The following AFG1L variants were observed in gnomAD, a reference collection of about 807,000 sequenced individuals.
AFG1L encodes the protein AFG1 like ATPase.
Under a neutral mutation model 62.2 loss-of-function variants are expected in AFG1L, and 53 were observed. The observed-to-expected ratio is 0.85, with a 90% confidence interval of 0.68 to 1.07. AFG1L has a LOEUF of 1.07. Among genes scored for constraint, AFG1L ranks in the 50% least tolerant of loss-of-function variants. AFG1L has a pLI of 0.00. For synonymous variants in AFG1L, 228 were observed against 210.3 expected (o/e 1.08, Z -0.73); for missense variants, 555 against 590.5 (o/e 0.94, Z 0.62).
chr6:108,492,338 A>G (rs538753267), intron 10 of AFG1L, among the ~76,000 whole-genome samples: 29 of 152,184 alleles, frequency 1.9e-4, no homozygotes, highest in Non-Finnish European at 4.0e-4. Context: ...ACTGCCCTCT[A>G]CTGAGGGTAC....
intron 10 of AFG1L, among the ~76,000 whole-genome samples, chr6:108,502,617 G>C (rs1283960689): frequency 6.6e-6 from 1 of 152,122 alleles, no homozygotes; most frequent in African/African-American, 2.4e-5. Context: ...TGGGATTATA[G>C]GCATGAACCA....
chr6:108,417,324 GC>G (rs1199957958), intron 7 of AFG1L, among the ~76,000 whole-genome samples: 17 of 151,586 alleles, frequency 1.1e-4, no homozygotes, highest in African/African-American at 4.1e-4. Flanking sequence ...AAGAAAAGGG[GC>G]CCTGACCCAC....
In AFG1L at chr6:108,346,985, C is replaced by A; in HGVS notation, c.364-3C>A. On this transcript the variant is annotated splice_polypyrimidine_tract_variant and splice_region_variant and intron_variant, in intron 2 of 12. Coordinates refer to ENST00000368977, the MANE Select transcript of AFG1L (RefSeq NM_145315.5). ...AGATTTATAATTTGTTCTTAATTTGCAGCTTTTTTCAAGGAGCAAACCTCC... is the reference window on the plus strand; with the variant it reads ...AGATTTATAATTTGTTCTTAATTTGAAGCTTTTTTCAAGGAGCAAACCTCC... The A allele has an allele frequency of 6.2e-7, 1 of 1,607,480 alleles. No individual in the cohort carries two copies. The highest frequency in any genetic ancestry group is 8.5e-7 in the Non-Finnish European group (1 of 1,174,646).
intron 1 of AFG1L, among the ~76,000 whole-genome samples, chr6:108,297,790 G>A (rs1320043926): frequency 6.6e-6 from 1 of 151,146 alleles, no homozygotes; most frequent in Non-Finnish European, 1.5e-5. Context: ...AGGAAGTCGA[G>A]GCTGCAGTGA....
At chr6:108,314,587 C>G in intron 1 of AFG1L, among the ~76,000 whole-genome samples, 1 of 151,814 alleles carries the variant, frequency 6.6e-6, no homozygotes, top group East Asian at 2.0e-4. Flanking sequence ...TTAGTAGAAA[C>G]GGGGTTTCAC....
chr6:108,372,561 C>A (rs1428478660), intron 6 of AFG1L, among the ~76,000 whole-genome samples: 1 of 152,114 alleles, frequency 6.6e-6, no homozygotes, highest in Non-Finnish European at 1.5e-5. Context: ...AACTCCTGAC[C>A]TTGTGATCCG....
intron 7 of AFG1L, among the ~76,000 whole-genome samples, chr6:108,422,010 A>G (rs894918949): frequency 1.3e-5 from 2 of 152,134 alleles, no homozygotes; most frequent in African/African-American, 4.8e-5. Context: ...TTTATAATAG[A>G]AAATATAAGA....
intron 5 of AFG1L, among the ~76,000 whole-genome samples, chr6:108,360,809 C>T (rs1582436682): frequency 6.6e-6 from 1 of 152,336 alleles, no homozygotes; most frequent in Non-Finnish European, 1.5e-5. Flanking sequence ...GTCCAAATCT[C>T]TACTTATCCC....
At chr6:108,415,109 C>T (rs1308653824) in intron 7 of AFG1L, among the ~76,000 whole-genome samples, 1 of 152,180 alleles carries the variant, frequency 6.6e-6, no homozygotes, top group Non-Finnish European at 1.5e-5. Context: ...AAATCACAGG[C>T]ATTCCTCTAC....
chr6:108,449,327 C>T (rs992871089), intron 8 of AFG1L, among the ~76,000 whole-genome samples: 2 of 151,886 alleles, frequency 1.3e-5, no homozygotes, highest in African/African-American at 4.8e-5. Flanking sequence ...AATTTAACAT[C>T]CAAAGGGCTT....
At chr6:108,416,732 C>T (rs1193208346) in intron 7 of AFG1L, among the ~76,000 whole-genome samples, 1 of 152,086 alleles carries the variant, frequency 6.6e-6, no homozygotes. Context: ...AATGCAAACA[C>T]TTGGACACAG....
intron 11 of AFG1L, among the ~76,000 whole-genome samples, chr6:108,513,775 C>T (rs187942939): frequency 1.7e-3 from 261 of 152,318 alleles, no homozygotes; most frequent in African/African-American, 6.0e-3. Context: ...GAGGTTCTTC[C>T]AGCACACAGC....
chr6:108,363,766 T>A (rs1779637145), intron 5 of AFG1L, among the ~76,000 whole-genome samples: 1 of 151,840 alleles, frequency 6.6e-6, no homozygotes, highest in South Asian at 2.1e-4. Context: ...CTATCAGCTA[T>A]CAATATCATT....
At chr6:108,372,757 T>G (rs1780067622) in intron 6 of AFG1L, 1 of 154,834 alleles carries the variant, frequency 6.5e-6, no homozygotes, top group African/African-American at 2.4e-5. Context: ...TGCATTCACA[T>G]GTGATGCCCA....
At chr6:108,405,446 A>G (rs1267950006) in intron 7 of AFG1L, among the ~76,000 whole-genome samples, 1 of 152,322 alleles carries the variant, frequency 6.6e-6, no homozygotes, top group East Asian at 1.9e-4. Context: ...CCCCAGGCTC[A>G]GGTGATCCTC....
chr6:108,393,287 A>G (rs1426121170), intron 6 of AFG1L, among the ~76,000 whole-genome samples: 1 of 152,090 alleles, frequency 6.6e-6, no homozygotes, highest in Non-Finnish European at 1.5e-5. Context: ...ATTTCAAGAG[A>G]TGGATGTATT....
intron 6 of AFG1L, among the ~76,000 whole-genome samples, chr6:108,369,264 A>T (rs1237201646): frequency 6.6e-6 from 1 of 152,144 alleles, no homozygotes; most frequent in Non-Finnish European, 1.5e-5. Flanking sequence ...TCAGGATGCA[A>T]CTGCTGCATC....
intron 7 of AFG1L, among the ~76,000 whole-genome samples, chr6:108,417,235 AACACACACAC>A (rs147614070): frequency 7.5e-6 from 1 of 133,556 alleles, no homozygotes; most frequent in Non-Finnish European, 1.6e-5. Flanking sequence ...CATTGTCTTA[AACACACACAC>A]ACACACACAC....
intron 3 of AFG1L, among the ~76,000 whole-genome samples, chr6:108,348,074 T>C (rs1778936420): frequency 6.6e-6 from 1 of 151,960 alleles, no homozygotes; most frequent in Non-Finnish European, 1.5e-5. Context: ...TGTTTTGTTT[T>C]TGTTTTTGTT....
Sources: gnomAD v4.1 joint callset for allele counts (sites outside exome capture counted in the v4.1 genomes callset) on GRCh38, gnomAD v4.1.1 for gene constraint, MANE v1.5 for transcripts, NCBI Gene and HGNC (gene_info 2026-07-23, HGNC 2026-07-21) for gene names.